Variants in LARGE1 observed in about 807,000 individuals in gnomAD.
LARGE1 encodes xylosyl- and glucuronyltransferase LARGE1.
A neutral mutation model predicts 87.6 loss-of-function variants in LARGE1; 43 were observed. The ratio of observed to expected loss-of-function variants is 0.49; its 90% CI spans 0.38 to 0.63. The LOEUF (loss-of-function observed/expected upper bound fraction) is 0.63. LARGE1 is among the 30% of genes least tolerant of loss of function. The pLI, the probability that LARGE1 is intolerant of heterozygous loss-of-function variation, is 0.00. For missense variants in LARGE1, 802 were observed against 1,000.2 expected (o/e 0.80, Z 2.67); for synonymous variants, 434 against 394.6 (o/e 1.10, Z -1.18).
the LARGE1 span, among the ~76,000 whole-genome samples, chr22:33,129,260 C>G: frequency 6.6e-6 from 1 of 151,948 alleles, no homozygotes; most frequent in East Asian, 1.9e-4. Flanking sequence ...GGTGACATTA[C>G]AAAGGGGTAG....
At chr22:33,315,893 G>T (rs1385258136) in intron 11 of LARGE1, among the ~76,000 whole-genome samples, 192 bp downstream of exon 11, 1 of 152,148 alleles carries the variant, frequency 6.6e-6, no homozygotes, top group Middle Eastern at 3.2e-3. Context: ...CTCCCAAAGT[G>T]CTAGGATTAC....
chr22:33,633,840 G>T (rs776852312), intron 3 of LARGE1, among the ~76,000 whole-genome samples: 8 of 152,184 alleles, frequency 5.3e-5, no homozygotes, highest in Non-Finnish European at 1.0e-4. Context: ...GCGGAGAAGC[G>T]AACAGCCGGG....
At chr22:33,269,080 T>C (rs1478840453), downstream of LARGE1, among the ~76,000 whole-genome samples, 2 of 152,142 alleles carry the variant, frequency 1.3e-5, no homozygotes, top group Non-Finnish European at 2.9e-5. Context: ...TACAAGACAA[T>C]GTTATGTTTT....
At chr22:33,524,837 A>G (rs16992481) in intron 6 of LARGE1, among the ~76,000 whole-genome samples, 4,350 of 152,246 alleles carry the variant, frequency 0.029, 81 homozygotes, top group South Asian at 0.076. Flanking sequence ...ACTGGGAAAA[A>G]GTACTGCAAA....
At chr22:33,660,090 GTTTTTT>G (rs35643369) in intron 2 of LARGE1, among the ~76,000 whole-genome samples, 1 of 125,442 alleles carries the variant, frequency 8.0e-6, no homozygotes, top group Admixed American at 8.2e-5. Flanking sequence ...GTGTGTGTGT[GTTTTTT>G]TTTTTTTTTT....
At chr22:33,701,578 C>T (rs1298348081) in intron 2 of LARGE1, among the ~76,000 whole-genome samples, 2 of 152,148 alleles carry the variant, frequency 1.3e-5, no homozygotes, top group Non-Finnish European at 2.9e-5. Flanking sequence ...CCCTCAGTGT[C>T]CAATATCATG....
At chr22:33,875,824 G>A (rs547385731) in intron 1 of LARGE1, among the ~76,000 whole-genome samples, 136 of 152,226 alleles carry the variant, frequency 8.9e-4, no homozygotes, top group African/African-American at 2.6e-3. Flanking sequence ...TGACACCTCC[G>A]GCAGCCCCAC....
intron 1 of LARGE1, among the ~76,000 whole-genome samples, chr22:33,820,582 C>T (rs1035935475): frequency 5.9e-5 from 9 of 152,118 alleles, no homozygotes; most frequent in Admixed American, 2.0e-4. Flanking sequence ...CCGCCTCAGC[C>T]TCCCGAAGTG....
At chr22:33,715,787 C>CAGGCT (rs1424429300) in intron 2 of LARGE1, among the ~76,000 whole-genome samples, 1 of 152,192 alleles carries the variant, frequency 6.6e-6, no homozygotes, top group East Asian at 1.9e-4. Context: ...TGGCATCGCA[C>CAGGCT]AGGCTAGGCT....
chr22:33,276,925 G>T, intron 14 of LARGE1, 135 bp downstream of exon 14: 1 of 870,974 alleles, frequency 1.1e-6, no homozygotes. Context: ...CCAAGGATCA[G>T]TACTACCACT....
chr22:33,567,560 T>G (rs1437739668), intron 5 of LARGE1, among the ~76,000 whole-genome samples: 1 of 152,182 alleles, frequency 6.6e-6, no homozygotes, highest in African/African-American at 2.4e-5. Context: ...ACAGGTTTGC[T>G]CAGCTTTTCT....
chr22:33,271,878 G>A (rs1199114295), downstream of LARGE1, among the ~76,000 whole-genome samples: 1 of 152,184 alleles, frequency 6.6e-6, no homozygotes, highest in African/African-American at 2.4e-5. Context: ...CCTGTCTTTG[G>A]GGAAATAGGA....
At chr22:33,389,279 C>G (rs913711588) in intron 7 of LARGE1, among the ~76,000 whole-genome samples, 1 of 152,264 alleles carries the variant, frequency 6.6e-6, no homozygotes, top group Non-Finnish European at 1.5e-5. Flanking sequence ...CTATGCAACA[C>G]AGGTGCGTTC....
chr22:33,508,074 T>C (rs763854530), intron 6 of LARGE1, among the ~76,000 whole-genome samples: 14 of 152,138 alleles, frequency 9.2e-5, no homozygotes, highest in Non-Finnish European at 1.2e-4. Flanking sequence ...CTCTCCTAAT[T>C]AACAAGACCT....
chr22:33,768,196 C>A (rs2084962505), intron 1 of LARGE1, among the ~76,000 whole-genome samples: 1 of 152,058 alleles, frequency 6.6e-6, no homozygotes, highest in Non-Finnish European at 1.5e-5. Flanking sequence ...GTAATCCCAG[C>A]TACTCAGGAG....
intron 11 of LARGE1, among the ~76,000 whole-genome samples, chr22:33,231,711 T>G (rs1926013623): frequency 1.3e-5 from 2 of 152,194 alleles, no homozygotes; most frequent in Non-Finnish European, 2.9e-5. Flanking sequence ...CCAGGTCTTT[T>G]GATTCTCCGT....
intron 1 of LARGE1, among the ~76,000 whole-genome samples, chr22:33,908,323 T>G (rs1601894696): frequency 6.6e-6 from 1 of 152,054 alleles, no homozygotes; most frequent in Admixed American, 6.6e-5. Context: ...GAAGTCAGAC[T>G]GAGGTGCAGA....
intron 7 of LARGE1, among the ~76,000 whole-genome samples, chr22:33,385,611 A>G (rs2065297434): frequency 1.4e-5 from 2 of 148,092 alleles, no homozygotes; most frequent in South Asian, 4.8e-4. Flanking sequence ...GTTAAAATCT[A>G]AAAAAGAAAA....
chr22:33,891,040 ACGG>A (rs1569016171), intron 1 of LARGE1, among the ~76,000 whole-genome samples: 288 of 15,948 alleles, frequency 0.018, 1 homozygote, highest in East Asian at 0.062. Flanking sequence ...GAAGCTGCAT[ACGG>A]TTCTGTGCAT....
Sources: allele counts gnomAD v4.1 joint callset (sites outside exome capture counted in the v4.1 genomes callset), GRCh38; gene constraint gnomAD v4.1.1; transcripts MANE v1.5; gene names NCBI Gene and HGNC (gene_info 2026-07-23, HGNC 2026-07-21).